Variants in TPO observed in about 807,000 individuals in gnomAD.
The protein encoded by TPO is thyroid peroxidase, also known as thyroid microsomal antigen.
TPO carries 78 observed loss-of-function variants against 96.9 expected under a neutral mutation model. That is an observed-to-expected ratio of 0.81 (90% CI 0.67 to 0.97). The LOEUF is 0.97. Ranked by LOEUF, TPO falls within the 50% of genes least tolerant of loss-of-function variation. TPO has a pLI of 0.00. For synonymous variants in TPO, 547 were observed against 538.0 expected (o/e 1.02, Z -0.23); for missense variants, 1,252 against 1,274.8 (o/e 0.98, Z 0.27).
intron 14 of TPO, among the ~76,000 whole-genome samples, chr2:1,504,640 C>A (rs1328922926): frequency 6.6e-6 from 1 of 152,216 alleles, no homozygotes; most frequent in Non-Finnish European, 1.5e-5. Flanking sequence ...GCCTCCAAGC[C>A]AGGTGCCAGC....
chr2:1,517,863 G>GC (rs1348395997), intron 15 of TPO, among the ~76,000 whole-genome samples: 2 of 152,152 alleles, frequency 1.3e-5, no homozygotes. Flanking sequence ...CCCAGGCTGG[G>GC]CCCCCAGGGC....
At chr2:1,394,122 A>C (rs1662044743) in intron 1 of TPO, among the ~76,000 whole-genome samples, 1 of 152,182 alleles carries the variant, frequency 6.6e-6, no homozygotes, top group African/African-American at 2.4e-5. Context: ...CAAATATTTC[A>C]CTACATCCAC....
At position 1,496,040 on chromosome 2, in the gene TPO, G is replaced by A; in HGVS notation, c.2058G>A (p.Leu686=). ...TCACGGATGCACAGAGGCGTGAGCTGGAGAAGCACTCCCTGTCTCGGGTCA... is the reference window on the plus strand; with the variant it reads ...TCACGGATGCACAGAGGCGTGAGCTAGAGAAGCACTCCCTGTCTCGGGTCA... ...HVFTDAQRRE[L]EKHSLSRVIC... is the part of the protein sequence containing the mutation. The change falls in exon 12 of 17, where the codon CTG becomes CTA. Residue 686 remains leucine (L), a synonymous_variant. Coordinates refer to ENST00000329066, the MANE Select transcript of TPO (RefSeq NM_001206744.2). 6.2e-7 allele frequency: 1 copy of A among 1,613,810 alleles called. No individual in the cohort carries two copies. The highest frequency in any genetic ancestry group is 1.1e-5 in the South Asian group (1 of 91,030).
chr2:1,391,052 A>G (rs998309076), intron 1 of TPO, among the ~76,000 whole-genome samples: 19 of 152,214 alleles, frequency 1.2e-4, no homozygotes, highest in African/African-American at 2.9e-4. Flanking sequence ...CCATTTGTCA[A>G]TTTTGGCTTT....
chr2:1,379,728 CAT>C (rs1229079335), intron 1 of TPO, among the ~76,000 whole-genome samples: 2 of 152,198 alleles, frequency 1.3e-5, no homozygotes, highest in African/African-American at 2.4e-5. Flanking sequence ...GCTGTTCACA[CAT>C]GTCATAATAT....
intron 1 of TPO, among the ~76,000 whole-genome samples, chr2:1,407,008 C>T (rs1419378751): frequency 6.6e-6 from 1 of 152,136 alleles, no homozygotes; most frequent in African/African-American, 2.4e-5. Flanking sequence ...GGTTGAGAGG[C>T]AGACACAGGC....
intron 10 of TPO, among the ~76,000 whole-genome samples, chr2:1,491,255 C>A (rs1671748180): frequency 6.6e-6 from 1 of 152,096 alleles, no homozygotes; most frequent in African/African-American, 2.4e-5. Flanking sequence ...GATGTTCTTT[C>A]TTCCCAGCTC....
At chr2:1,455,788 C>A (rs1667732118) in intron 6 of TPO, among the ~76,000 whole-genome samples, 1 of 152,230 alleles carries the variant, frequency 6.6e-6, no homozygotes, top group South Asian at 2.1e-4. Context: ...CACAACAACA[C>A]TGAAAGCTCA....
intron 1 of TPO, among the ~76,000 whole-genome samples, chr2:1,405,524 C>T (rs4481032): frequency 2.0e-5 from 3 of 151,830 alleles, no homozygotes; most frequent in Non-Finnish European, 4.4e-5. Flanking sequence ...CCCACCACCT[C>T]CCCGCCCATC....
At position 1,543,077 on chromosome 2, in the gene TPO, G is replaced by A. The variant is rs990197047; in HGVS notation, c.*603G>A. 18 of 177,762 alleles carry A rather than the reference G, an allele frequency of 1.0e-4. No homozygotes were observed. In the East Asian group the frequency reaches 2.3e-3, roughly 22 times the overall value. 11.0% of individuals were successfully genotyped at this position (177,762 alleles called of 1,614,324 possible). A position where few individuals can be genotyped will look rare whatever the true frequency, so the allele number is the denominator to read the frequency against. ...CCCCAGGCTTCTGCCTCCAGCAGCC[G>A]CCCTGCCGCACACTGCTCTTACTCC... On this transcript the variant is annotated 3_prime_UTR_variant, in exon 17 of 17. Transcript: ENST00000329066.
rs376657958 is a variant in TPO, at chr2:1,453,791, G to A, written c.580G>A (p.Gly194Ser). 9.9e-6 allele frequency: 16 copies of A among 1,613,696 alleles called. No homozygotes were observed. Among genetic ancestry groups the A allele is most frequent in the Admixed American group, 6.7e-5 (4 of 60,000 alleles). Residue 194 changes from glycine (G) to serine (S), a missense_variant, in exon 6 of 17, where the codon GGC (glycine) becomes AGC (serine). Transcript: ENST00000329066. ...CAGTCAGCCCCGAGGCTGGAACCCC[G>A]GCTTCTTGTACAACGGGTTCCCACT... ...GFSQPRGWNPGFLYNGFPLPP... is the reference protein window; with the variant it reads ...GFSQPRGWNPSFLYNGFPLPP...
chr2:1,439,162 G>A (rs1013269569), intron 5 of TPO: 5 of 314,938 alleles, frequency 1.6e-5, no homozygotes, highest in African/African-American at 4.2e-5. Context: ...TGTCTTGGGC[G>A]CCTCTGCCCC....
At chr2:1,390,781 A>G (rs1333340333) in intron 1 of TPO, among the ~76,000 whole-genome samples, 1 of 152,120 alleles carries the variant, frequency 6.6e-6, no homozygotes, top group Non-Finnish European at 1.5e-5. Context: ...TCTCTGATGA[A>G]CAGTGACAAT....
intron 15 of TPO, among the ~76,000 whole-genome samples, chr2:1,528,015 C>G (rs564854421): frequency 1.4e-5 from 2 of 146,326 alleles, no homozygotes; most frequent in Non-Finnish European, 3.0e-5. Flanking sequence ...GGAACCTCCT[C>G]AAATCCTCCC....
chr2:1,541,832 G>C (rs950265386), intron 16 of TPO: 2 of 154,476 alleles, frequency 1.3e-5, no homozygotes, highest in African/African-American at 4.8e-5. Flanking sequence ...TTGCATACAG[G>C]AGGGGGGCAT....
Position 1,451,572 on chromosome 2 carries a change from G to A in TPO, c.483-2122G>A, listed in dbSNP as rs1471026598. The stretch of plus-strand genomic sequence containing the variant: ...ACTCTTTTGTCATGTGCCTTGCAAA[G>A]CCTCCCAATACCAGTTGTCCATGAT... On this transcript the variant is annotated intron_variant, in intron 5 of 16. Coordinates refer to ENST00000329066, the MANE Select transcript of TPO (RefSeq NM_001206744.2). Among the ~76,000 whole-genome samples the A allele has an allele frequency of 5.3e-5, 8 of 152,116 alleles. 1 individual carries two copies. Among genetic ancestry groups the A allele is most frequent in the Non-Finnish European group, 5.9e-5 (4 of 68,030 alleles).
At chr2:1,541,321 C>CCTCATAATGATCGCATGTTT in intron 16 of TPO, 1 of 394,922 alleles carries the variant, frequency 2.5e-6, no homozygotes, top group East Asian at 1.2e-4. Flanking sequence ...GCGCACGCTT[C>CCTCATAATGATCGCATGTTT]CTCATAATGA....
At chr2:1,498,657 C>T (rs1207258447) in intron 13 of TPO, among the ~76,000 whole-genome samples, 1 of 152,218 alleles carries the variant, frequency 6.6e-6, no homozygotes, top group South Asian at 2.1e-4. Flanking sequence ...CCCCAGAGAA[C>T]AGCAGACCAG....
At chr2:1,542,160 C>A in intron 16 of TPO, 1 of 584,250 alleles carries the variant, frequency 1.7e-6, no homozygotes. Context: ...TCCTGAAGGA[C>A]CCTGCCTGCG....
Sources: gnomAD v4.1 joint callset for allele counts (sites outside exome capture counted in the v4.1 genomes callset) on GRCh38, gnomAD v4.1.1 for gene constraint, MANE v1.5 for transcripts, NCBI Gene and HGNC (gene_info 2026-07-23, HGNC 2026-07-21) for gene names.